Variants in MAML2 observed in about 807,000 individuals in gnomAD.
MAML2 encodes the protein mastermind-like protein 2.
In MAML2, 22 loss-of-function variants were observed where a neutral mutation model predicts 96.1. The observed-to-expected ratio is 0.23, with a 90% CI of 0.16 to 0.33. MAML2 has a LOEUF of 0.33. Among genes scored for constraint, MAML2 ranks in the 10% least tolerant of loss-of-function variants. The probability of loss-of-function intolerance (pLI) is 1.00; values close to 1 mark genes in which losing one functional copy is unlikely to be tolerated. For missense variants in MAML2, 1,367 were observed against 1,392.4 expected, an observed-to-expected ratio of 0.98 and a Z score of 0.29; for synonymous variants, 561 against 521.3, an observed-to-expected ratio of 1.08 and a Z score of -1.04.
intron 1 of MAML2, among the ~76,000 whole-genome samples, chr11:96,162,252 T>A (rs1861117485): frequency 6.6e-6 from 1 of 151,416 alleles, no homozygotes; most frequent in African/African-American, 2.4e-5. Context: ...TGACTTTTTT[T>A]TTTTTTTTAA....
At chr11:96,267,080 G>T (rs1591104962) in intron 1 of MAML2, among the ~76,000 whole-genome samples, 2 of 152,124 alleles carry the variant, frequency 1.3e-5, no homozygotes, top group African/African-American at 4.8e-5. Context: ...GTAAAACCTA[G>T]GAGAAAATAA....
intron 1 of MAML2, among the ~76,000 whole-genome samples, chr11:96,133,933 G>T (rs1055729751): frequency 6.6e-6 from 1 of 152,154 alleles, no homozygotes; most frequent in Non-Finnish European, 1.5e-5. Flanking sequence ...GGCAGAGGTT[G>T]CAGTAAGCTG....
intron 2 of MAML2, among the ~76,000 whole-genome samples, chr11:96,002,988 T>TGATGATGAGGATGATGATGGG (rs1858117136): frequency 8.1e-6 from 1 of 123,204 alleles, no homozygotes; most frequent in African/African-American, 3.2e-5. Flanking sequence ...ATGATGATGG[T>TGATGATGAGGATGATGATGGG]GATGATGAGG....
intron 1 of MAML2, among the ~76,000 whole-genome samples, chr11:96,095,756 T>C (rs997773856): frequency 1.3e-5 from 2 of 152,254 alleles, no homozygotes; most frequent in African/African-American, 4.8e-5. Context: ...TAATACAAAT[T>C]GGGCATCTGT....
intron 4 of MAML2, among the ~76,000 whole-genome samples, chr11:95,980,622 C>G (rs1176096889): frequency 1.3e-5 from 2 of 152,206 alleles, no homozygotes; most frequent in South Asian, 4.1e-4. Flanking sequence ...TGTGAGCCAC[C>G]TTTGCTTATG....
At chr11:96,017,937 G>C (rs1316083129) in intron 2 of MAML2, among the ~76,000 whole-genome samples, 1 of 152,234 alleles carries the variant, frequency 6.6e-6, no homozygotes. Context: ...ATACTGAGCA[G>C]AGGAATGACA....
At chr11:95,996,068 AAATC>A (rs58055593) in intron 2 of MAML2, among the ~76,000 whole-genome samples, 4,702 of 151,232 alleles carry the variant, frequency 0.031, 174 homozygotes, top group African/African-American at 0.09. Context: ...GTTGAAGGAA[AAATC>A]AATCAATCAA....
At chr11:96,309,782 C>T (rs1283364661) in intron 1 of MAML2, among the ~76,000 whole-genome samples, 4 of 151,624 alleles carry the variant, frequency 2.6e-5, no homozygotes, top group South Asian at 4.2e-4. Context: ...ACTGAGGTCC[C>T]GACCTCTCCA....
At chr11:96,296,675 A>T (rs1408144022) in intron 1 of MAML2, among the ~76,000 whole-genome samples, 3 of 152,104 alleles carry the variant, frequency 2.0e-5, no homozygotes, top group African/African-American at 7.2e-5. Flanking sequence ...TAAATAAATA[A>T]ATAAGAAGCA....
intron 2 of MAML2, among the ~76,000 whole-genome samples, chr11:96,045,155 G>T (rs1858876501): frequency 6.6e-6 from 1 of 152,162 alleles, no homozygotes; most frequent in African/African-American, 2.4e-5. Flanking sequence ...TTTGCTCAAA[G>T]GTTTTCCTGT....
intron 1 of MAML2, among the ~76,000 whole-genome samples, chr11:96,339,669 T>C (rs1313361579): frequency 1.3e-5 from 2 of 152,184 alleles, no homozygotes; most frequent in Non-Finnish European, 2.9e-5. Flanking sequence ...AGCCGCATTA[T>C]TGGGAGACTT....
chr11:96,246,036 C>T (rs1238017501), intron 1 of MAML2, among the ~76,000 whole-genome samples: 2 of 150,902 alleles, frequency 1.3e-5, no homozygotes, highest in Non-Finnish European at 3.0e-5. Flanking sequence ...TCAACAAAAA[C>T]GTGGAGGCTT....
At chr11:96,091,652 G>C (rs1055948248) in intron 2 of MAML2, among the ~76,000 whole-genome samples, 1 of 152,184 alleles carries the variant, frequency 6.6e-6, no homozygotes, top group Non-Finnish European at 1.5e-5. Context: ...TTCTGAGTAA[G>C]CAAGAACCTT....
chr11:95,976,826 C>T lies in MAML2; in HGVS notation c.*2122G>A, dbSNP rs1053815. 75,815 of 185,906 alleles carry T rather than the reference C, an allele frequency of 0.41. 17,009 individuals carry two copies. Among genetic ancestry groups the T allele is most frequent in the African/African-American group, 0.59 (25,343 of 42,688 alleles). The allele number at this position is 185,906 out of a possible 1,614,324, so 11.5% of individuals were successfully genotyped here. A position where few individuals can be genotyped will look rare whatever the true frequency, so the allele number is the denominator to read the frequency against. On this transcript the variant is annotated 3_prime_UTR_variant, in exon 5 of 5. Coordinates refer to ENST00000524717, the MANE Select transcript of MAML2 (RefSeq NM_032427.4). ...ACAGTAACATGGAGGAGCCATACAA[C>T]AAAAGCGTTTATATGTACATCATTT...
At chr11:96,331,563 C>T (rs907852857) in intron 1 of MAML2, among the ~76,000 whole-genome samples, 1 of 151,192 alleles carries the variant, frequency 6.6e-6, no homozygotes, top group African/African-American at 2.4e-5. Flanking sequence ...TTTTGGAGGC[C>T]AAGGTGAGTG....
At chr11:96,038,790 T>G (rs1363523139) in intron 2 of MAML2, among the ~76,000 whole-genome samples, 1 of 152,270 alleles carries the variant, frequency 6.6e-6, no homozygotes, top group African/African-American at 2.4e-5. Context: ...AATGATTTTA[T>G]GTATTTCCTT....
At chr11:96,178,207 ACTCT>A in intron 1 of MAML2, among the ~76,000 whole-genome samples, 1 of 151,800 alleles carries the variant, frequency 6.6e-6, no homozygotes, top group Admixed American at 6.6e-5. Context: ...GGTTTGTGCA[ACTCT>A]CTCAGACAGT....
intron 2 of MAML2, among the ~76,000 whole-genome samples, chr11:95,992,333 G>T (rs1329806333): frequency 6.6e-6 from 1 of 152,116 alleles, no homozygotes; most frequent in African/African-American, 2.4e-5. Context: ...AAGAATCTCA[G>T]TAAAAGAATA....
rs544115064 is a variant in MAML2, at chr11:96,105,176, G to A, written c.514-11659C>T. Among the ~76,000 whole-genome samples, 109 of 152,252 alleles carry A rather than the reference G, an allele frequency of 7.2e-4. 1 individual carries two copies. Among genetic ancestry groups the A allele is most frequent in the Middle Eastern group, 3.4e-3 (1 of 294 alleles). ...TTTGGTTTCTCTTTCAACTTTCCAC[G>A]TGTGGTCATTAATCCCACTCTTCCA... is the stretch of plus-strand genomic sequence containing the variant. On this transcript the variant is annotated intron_variant, in intron 1 of 4. Transcript: ENST00000524717.
Sources: gnomAD v4.1 joint callset for allele counts (sites outside exome capture counted in the v4.1 genomes callset) on GRCh38, gnomAD v4.1.1 for gene constraint, MANE v1.5 for transcripts, NCBI Gene and HGNC (gene_info 2026-07-23, HGNC 2026-07-21) for gene names.